Variants in PKIG observed in about 807,000 individuals in gnomAD.
PKIG encodes the protein cAMP-dependent protein kinase inhibitor gamma.
Under a neutral mutation model 6.8 loss-of-function variants are expected in PKIG, and 1 was observed. The observed-to-expected ratio is 0.15, with a 90% CI of 0.05 to 0.69. The LOEUF is 0.69. Among genes scored for constraint, PKIG ranks in the 30% least tolerant of loss-of-function variants. The pLI is 0.82. For synonymous variants in PKIG, 39 were observed against 43.0 expected, an observed-to-expected ratio of 0.91 and a Z score of 0.36; for missense variants, 77 against 104.0, an observed-to-expected ratio of 0.74 and a Z score of 1.13.
At position 44,539,752 on chromosome 20, in the gene PKIG, A is replaced by G. The variant is rs546563766; in HGVS notation, c.-241+7774A>G. ...GTAAACTTTCTTAAAACATTATGAGATTTTTTGTGTGTGTGATTTTTTTTC... is the reference window on the plus strand; with the variant it reads ...GTAAACTTTCTTAAAACATTATGAGGTTTTTTGTGTGTGTGATTTTTTTTC... On this transcript the variant is annotated intron_variant, in intron 1 of 4. Transcript: ENST00000372887. Among the ~76,000 whole-genome samples the G allele has an allele frequency of 4.0e-5, 6 of 151,858 alleles. No individual in the cohort carries two copies. The East Asian group carries it at 1.2e-3, about 30-fold the overall frequency.
At chr20:44,605,916 A>G (rs1366214250) in intron 2 of PKIG, among the ~76,000 whole-genome samples, 2 of 152,196 alleles carry the variant, frequency 1.3e-5, no homozygotes, top group Non-Finnish European at 2.9e-5. Context: ...CTCAAAAAAC[A>G]AAGTACCAGA....
intron 1 of PKIG, among the ~76,000 whole-genome samples, chr20:44,546,609 A>G (rs867812015): frequency 1.4e-4 from 20 of 145,916 alleles, no homozygotes; most frequent in Admixed American, 9.1e-4. Context: ...CTGGAGTGCA[A>G]TGGTACAATC....
intron 1 of PKIG, among the ~76,000 whole-genome samples, chr20:44,546,389 T>G (rs1454254211): frequency 6.6e-6 from 1 of 152,196 alleles, no homozygotes; most frequent in Non-Finnish European, 1.5e-5. Flanking sequence ...TTAGTTCTGA[T>G]TCCATCAAGG....
In PKIG at chr20:44,568,643, G is replaced by A. The variant is rs141577029; in HGVS notation, c.-240-13942G>A. On this transcript the variant is annotated intron_variant, in intron 1 of 4. Coordinates refer to the PKIG transcript ENST00000372887. Reference sequence around the variant, plus strand: ...TTTTTGTAATTTTAGTAGAGACGGCGTTTCACCATCTTGGCCAGGCTGGTC... The same window carrying A: ...TTTTTGTAATTTTAGTAGAGACGGCATTTCACCATCTTGGCCAGGCTGGTC... 5.1e-3 allele frequency among the ~76,000 whole-genome samples: 770 copies of A among 152,128 alleles called. 3 individuals are homozygous for A. Among genetic ancestry groups the A allele is most frequent in the African/African-American group, 0.017 (714 of 41,494 alleles).
At chr20:44,559,799 A>G (rs2123236142) in intron 1 of PKIG, among the ~76,000 whole-genome samples, 1 of 152,368 alleles carries the variant, frequency 6.6e-6, no homozygotes, top group African/African-American at 2.4e-5. Flanking sequence ...TTTTACTAGC[A>G]AAAACCACTG....
rs11469110 is a variant in PKIG, at chr20:44,548,854, CCACACACACACACACACACA to C, written c.-241+16907_-241+16926del. 2.8e-4 allele frequency among the ~76,000 whole-genome samples: 38 copies of C among 135,660 alleles called. No individual in the cohort carries two copies. In the East Asian group the frequency reaches 3.0e-3, roughly 11 times the overall value. The allele number at this position is 135,660 out of a possible 152,430, so 89.0% of individuals were successfully genotyped here. On this transcript the variant is annotated intron_variant, in intron 1 of 4. Coordinates refer to the PKIG transcript ENST00000372887. The stretch of plus-strand genomic sequence containing the variant: ...GACATTCATCCAGCCACTCCTCCCA[CCACACACACACACACACACA>C]CACACACACACACACACACACACAC...
At chr20:44,548,220 A>C (rs866472770) in intron 1 of PKIG, among the ~76,000 whole-genome samples, 2 of 152,284 alleles carry the variant, frequency 1.3e-5, no homozygotes, top group Middle Eastern at 3.4e-3. Context: ...TATCCCACAC[A>C]GGCAGTGGAA....
intron 2 of PKIG, among the ~76,000 whole-genome samples, chr20:44,601,125 T>A (rs1476813991): frequency 6.6e-6 from 1 of 151,730 alleles, no homozygotes; most frequent in African/African-American, 2.4e-5. Context: ...CGGGAAGAAA[T>A]GAGTTGGAAG....
At chr20:44,592,388 G>A (rs868280078) in intron 2 of PKIG, among the ~76,000 whole-genome samples, 35 of 152,260 alleles carry the variant, frequency 2.3e-4, no homozygotes, top group African/African-American at 7.5e-4. Flanking sequence ...TGAAAATCCT[G>A]TACAGAGCCC....
Position 44,618,730 on chromosome 20 carries a change from A to C in PKIG, c.*366A>C. 1 of 193,790 alleles carries C rather than the reference A, an allele frequency of 5.2e-6. No homozygotes were observed. Among genetic ancestry groups the C allele is most frequent in the East Asian group, 1.3e-4 (1 of 7,514 alleles). 12.0% of individuals were successfully genotyped at this position (193,790 alleles called of 1,614,324 possible). A position where few individuals can be genotyped will look rare whatever the true frequency, so the allele number is the denominator to read the frequency against. On this transcript the variant is annotated 3_prime_UTR_variant, in exon 4 of 4. Transcript: ENST00000372886. ...GGGCAGGGACCCTGTCCCAACACCAACACCTCCTCTCCAGCCCAATCTTCT... is the reference window on the plus strand; with the variant it reads ...GGGCAGGGACCCTGTCCCAACACCACCACCTCCTCTCCAGCCCAATCTTCT...
At chr20:44,540,648 G>A (rs1038593284) in intron 1 of PKIG, among the ~76,000 whole-genome samples, 2 of 151,870 alleles carry the variant, frequency 1.3e-5, no homozygotes, top group African/African-American at 4.8e-5. Flanking sequence ...GCATGATGTC[G>A]ACTCACTGCA....
intron 1 of PKIG, among the ~76,000 whole-genome samples, chr20:44,552,110 G>C (rs1355474472): frequency 6.6e-6 from 1 of 152,058 alleles, no homozygotes; most frequent in African/African-American, 2.4e-5. Context: ...GGTACCAAAG[G>C]GTTTGTCTCA....
upstream of PKIG, among the ~76,000 whole-genome samples, chr20:44,579,163 A>G (rs145780200): frequency 6.6e-6 from 1 of 152,374 alleles, no homozygotes; most frequent in East Asian, 1.9e-4. Context: ...TTCCTTAAAA[A>G]GTTAGGATTC....
chr20:44,541,275 A>G (rs2064559400), intron 1 of PKIG, among the ~76,000 whole-genome samples: 1 of 152,086 alleles, frequency 6.6e-6, no homozygotes, highest in African/African-American at 2.4e-5. Flanking sequence ...TTAAGACTAG[A>G]CTATGGGTTT....
intron 1 of PKIG, among the ~76,000 whole-genome samples, chr20:44,568,174 T>A (rs1281617881): frequency 6.6e-6 from 1 of 152,110 alleles, no homozygotes; most frequent in Non-Finnish European, 1.5e-5. Context: ...GATATAAATG[T>A]CTCTCTCATT....
upstream of PKIG, among the ~76,000 whole-genome samples, chr20:44,581,240 T>C (rs564540780): frequency 5.9e-5 from 9 of 152,350 alleles, no homozygotes; most frequent in South Asian, 2.1e-4. Context: ...ATAGCACTTA[T>C]CTGATTCTCC....
chr20:44,590,457 A>C (rs1386305978), intron 2 of PKIG, among the ~76,000 whole-genome samples: 2 of 152,250 alleles, frequency 1.3e-5, no homozygotes, highest in African/African-American at 4.8e-5. Context: ...CCTTGGGTCC[A>C]GTGTCCATAG....
chr20:44,581,344 C>A (rs976496616), upstream of PKIG, among the ~76,000 whole-genome samples: 9 of 152,162 alleles, frequency 5.9e-5, no homozygotes, highest in African/African-American at 2.2e-4. Context: ...AGTTTCCTTA[C>A]ATGTGTTTTT....
rs750529621 is a variant in PKIG at position 44,618,578 on chromosome 20, G to A, written c.*214G>A. The A allele has an allele frequency of 6.8e-5, 35 of 513,522 alleles. No individual in the cohort carries two copies. Among genetic ancestry groups the A allele is most frequent in the South Asian group, 2.9e-4 (14 of 48,674 alleles). 31.8% of individuals were successfully genotyped at this position (513,522 alleles called of 1,614,324 possible). ...TTCACATTCCCACCACCTTCGCACC[G>A]TGCCCAGGTACACTTTCAAGACACT... On this transcript the variant is annotated 3_prime_UTR_variant, in exon 4 of 4. Coordinates refer to ENST00000372886, the MANE Select transcript of PKIG (RefSeq NM_001281445.2).
Sources: gnomAD v4.1 joint callset for allele counts (sites outside exome capture counted in the v4.1 genomes callset) on GRCh38, gnomAD v4.1.1 for gene constraint, MANE v1.5 for transcripts, NCBI Gene and HGNC (gene_info 2026-07-23, HGNC 2026-07-21) for gene names.